The following ANKRD6 variants were observed in gnomAD, a reference collection of about 807,000 sequenced individuals.
The protein encoded by ANKRD6 is ankyrin repeat domain-containing protein 6.
ANKRD6 carries 56 observed loss-of-function variants against 82.3 expected under a neutral mutation model. That is an observed-to-expected ratio of 0.68 (90% CI 0.55 to 0.85). The LOEUF (loss-of-function observed/expected upper bound fraction) is 0.85, where lower values mean the gene tolerates loss of function less well. Among genes scored for constraint, ANKRD6 ranks in the 40% least tolerant of loss-of-function variants. The probability of loss-of-function intolerance (pLI) is 0.00; values close to 1 mark genes in which losing one functional copy is unlikely to be tolerated. For missense variants in ANKRD6, 852 were observed against 907.6 expected (o/e 0.94, Z 0.79); for synonymous variants, 347 against 352.1 (o/e 0.99, Z 0.16).
intron 1 of ANKRD6, among the ~76,000 whole-genome samples, chr6:89,438,026 A>T (rs1770868076): frequency 6.6e-6 from 1 of 152,150 alleles, no homozygotes; most frequent in Non-Finnish European, 1.5e-5. Context: ...TTTTAAACTC[A>T]GATGAATGGG....
intron 1 of ANKRD6, among the ~76,000 whole-genome samples, chr6:89,467,847 T>C (rs1008236342): frequency 6.6e-6 from 1 of 152,214 alleles, no homozygotes; most frequent in Non-Finnish European, 1.5e-5. Context: ...TGCAGCATTG[T>C]AGGGTCTGAA....
chr6:89,494,816 A>G (rs1409587832), intron 1 of ANKRD6, among the ~76,000 whole-genome samples: 1 of 152,208 alleles, frequency 6.6e-6, no homozygotes, highest in Non-Finnish European at 1.5e-5. Flanking sequence ...GAAAAATAAA[A>G]CACCCACAAG....
chr6:89,474,839 T>G (rs1451103043), intron 1 of ANKRD6, among the ~76,000 whole-genome samples: 2 of 152,116 alleles, frequency 1.3e-5, no homozygotes, highest in East Asian at 3.9e-4. Flanking sequence ...ATTATGGGAG[T>G]GTTTGTGGGA....
intron 1 of ANKRD6, among the ~76,000 whole-genome samples, chr6:89,470,637 G>A (rs1775331246): frequency 6.6e-6 from 1 of 151,376 alleles, no homozygotes; most frequent in South Asian, 2.1e-4. Context: ...TAATAATGAT[G>A]ATGATGTACT....
intron 1 of ANKRD6, among the ~76,000 whole-genome samples, chr6:89,490,754 C>T (rs759721955): frequency 2.0e-5 from 3 of 152,108 alleles, no homozygotes; most frequent in Admixed American, 6.6e-5. Flanking sequence ...CTCACCTCTG[C>T]GGTTTAGAAA....
chr6:89,611,433 G>T (rs1583754884), intron 5 of ANKRD6, among the ~76,000 whole-genome samples: 1 of 152,274 alleles, frequency 6.6e-6, no homozygotes, highest in African/African-American at 2.4e-5. Context: ...CTATCACACG[G>T]CCTTGCTTTC....
At chr6:89,536,664 G>A (rs989413560) in intron 1 of ANKRD6, among the ~76,000 whole-genome samples, 7 of 152,222 alleles carry the variant, frequency 4.6e-5, no homozygotes, top group Non-Finnish European at 8.8e-5. Flanking sequence ...CGCGTGCGCT[G>A]TCATAAGCAC....
At chr6:89,590,990 A>T (rs1794770094) in intron 2 of ANKRD6, among the ~76,000 whole-genome samples, 2 of 152,202 alleles carry the variant, frequency 1.3e-5, no homozygotes, top group Non-Finnish European at 2.9e-5. Context: ...CTGCCCAATT[A>T]TTGGTCTCGC....
chr6:89,574,226 A>C (rs1790594040), intron 2 of ANKRD6, among the ~76,000 whole-genome samples: 1 of 152,160 alleles, frequency 6.6e-6, no homozygotes. Flanking sequence ...TGCTATTGGG[A>C]CTTTCCTGTG....
Position 89,623,562 on chromosome 6 carries a change from G to A in ANKRD6, c.1032+18G>A. 1 of 1,572,134 alleles carries A rather than the reference G, an allele frequency of 6.4e-7. No homozygotes were observed. Among genetic ancestry groups the A allele is most frequent in the Non-Finnish European group, 8.6e-7 (1 of 1,158,660 alleles). ...GGCCCAAGGTCAGGAGACACAGAAA[G>A]CAGCCCAGAGGGGTGGCTGGGAGGC... On this transcript the variant is annotated intron_variant, in intron 11 of 15. Coordinates refer to ENST00000339746, the MANE Select transcript of ANKRD6 (RefSeq NM_001242809.2).
rs71024383 is a variant in ANKRD6, at chr6:89,578,286, C to CTTTTTTTTTT, written c.120+11207_120+11216dup. 1.3e-4 allele frequency among the ~76,000 whole-genome samples: 15 copies of CTTTTTTTTTT among 119,098 alleles called. 7 individuals are homozygous for CTTTTTTTTTT. Among genetic ancestry groups the CTTTTTTTTTT allele is most frequent in the South Asian group, 5.4e-4 (2 of 3,680 alleles). 78.1% of individuals were successfully genotyped at this position (119,098 alleles called of 152,430 possible). On this transcript the variant is annotated intron_variant, in intron 2 of 15. Coordinates refer to ENST00000339746, the MANE Select transcript of ANKRD6 (RefSeq NM_001242809.2). ...ATTAGCTTTTTCCCCCTCCCGCCTCCTTTTTTTTTTTTTTTTTTTTTTTTT... is the reference window on the plus strand; with the variant it reads ...ATTAGCTTTTTCCCCCTCCCGCCTCCTTTTTTTTTTTTTTTTTTTTTTTTTTTTTTTTTTT...
chr6:89,614,080 G>C (rs183427336), intron 7 of ANKRD6, among the ~76,000 whole-genome samples, 190 bp downstream of exon 7: 6 of 152,222 alleles, frequency 3.9e-5, no homozygotes, highest in Admixed American at 3.9e-4. Flanking sequence ...TGGCCTGCTA[G>C]AGAAAGTGTG....
At chr6:89,447,837 G>A (rs1224606902) in intron 1 of ANKRD6, among the ~76,000 whole-genome samples, 2 of 121,636 alleles carry the variant, frequency 1.6e-5, no homozygotes, top group Non-Finnish European at 3.4e-5. Context: ...ACAGGCATGT[G>A]CCACCACGCC....
intron 1 of ANKRD6, among the ~76,000 whole-genome samples, chr6:89,465,997 G>C (rs1774802685): frequency 6.6e-6 from 1 of 152,094 alleles, no homozygotes; most frequent in Non-Finnish European, 1.5e-5. Flanking sequence ...GATAATATAG[G>C]AAATGAGCAG....
At chr6:89,486,543 C>T (rs1777397964) in intron 1 of ANKRD6, among the ~76,000 whole-genome samples, 1 of 152,044 alleles carries the variant, frequency 6.6e-6, no homozygotes, top group Non-Finnish European at 1.5e-5. Flanking sequence ...CTTAAGCAAT[C>T]AGAAATTTAT....
At chr6:89,517,591 A>G (rs559272116) in intron 1 of ANKRD6, among the ~76,000 whole-genome samples, 10 of 152,258 alleles carry the variant, frequency 6.6e-5, no homozygotes, top group African/African-American at 2.2e-4. Context: ...TGGAACCATT[A>G]TATATGAAAA....
chr6:89,544,011 A>G (rs1311172361), intron 1 of ANKRD6, among the ~76,000 whole-genome samples: 1 of 152,172 alleles, frequency 6.6e-6, no homozygotes, highest in African/African-American at 2.4e-5. Flanking sequence ...ACTCCAGCCA[A>G]CAGAGGACAA....
In ANKRD6 at chr6:89,632,171, T is replaced by G. The variant is rs111626561; in HGVS notation, c.*1167T>G. 9.3e-4 allele frequency: 142 copies of G among 152,358 alleles called. No individual in the cohort carries two copies. Among genetic ancestry groups the G allele is most frequent in the African/African-American group, 3.1e-3 (127 of 41,590 alleles). The allele number at this position is 152,358 out of a possible 1,614,324, so 9.4% of individuals were successfully genotyped here. A position where few individuals can be genotyped will look rare whatever the true frequency, so the allele number is the denominator to read the frequency against. On this transcript the variant is annotated 3_prime_UTR_variant, in exon 16 of 16. Transcript: ENST00000339746. ...CACAGAAACTTCAGTTCTATTTCTA[T>G]AGACACAGGAACCTAGTGACTATTG... is the stretch of plus-strand genomic sequence containing the variant.
At chr6:89,627,883 G>A (rs926692380) in intron 14 of ANKRD6, among the ~76,000 whole-genome samples, 187 bp downstream of exon 14, 7 of 152,302 alleles carry the variant, frequency 4.6e-5, no homozygotes, top group Non-Finnish European at 8.8e-5. Flanking sequence ...GTTTATGTCC[G>A]TGGCTGAATA....
Sources: allele counts gnomAD v4.1 joint callset (sites outside exome capture counted in the v4.1 genomes callset), GRCh38; gene constraint gnomAD v4.1.1; transcripts MANE v1.5; gene names NCBI Gene and HGNC (gene_info 2026-07-23, HGNC 2026-07-21).